MYOF: variants seen among roughly 807,000 people sequenced by gnomAD.
MYOF encodes myoferlin, also known as fer-1-like 3, myoferlin.
Under a neutral mutation model 284.2 loss-of-function variants are expected in MYOF, and 244 were observed. The ratio of observed to expected loss-of-function variants is 0.86; its 90% CI spans 0.77 to 0.95. The LOEUF is 0.95. MYOF is among the 40% of genes least tolerant of loss of function. The pLI, the probability that MYOF is intolerant of heterozygous loss-of-function variation, is 0.00. For synonymous variants in MYOF, 904 were observed against 919.7 expected, an observed-to-expected ratio of 0.98 and a Z score of 0.31; for missense variants, 2,496 against 2,560.6, an observed-to-expected ratio of 0.97 and a Z score of 0.54.
intron 4 of MYOF, among the ~76,000 whole-genome samples, chr10:93,430,294 T>C (rs1848782857): frequency 6.6e-6 from 1 of 151,314 alleles, no homozygotes; most frequent in African/African-American, 2.4e-5. Context: ...GTAATAAAGA[T>C]TATGAGGCCA....
chr10:93,337,830 G>C lies in MYOF; in HGVS notation c.4422C>G (p.Gly1474=), dbSNP rs1424940267. The C allele has an allele frequency of 1.4e-5, 22 of 1,613,840 alleles. No homozygotes were observed. In the South Asian group the frequency reaches 2.4e-4, roughly 18 times the overall value. ...ATCCAGGTACCTTGAGCTTGGAATAGCCTTTCTGAATATACTGTCCGCATT... is the reference window on the plus strand; with the variant it reads ...ATCCAGGTACCTTGAGCTTGGAATACCCTTTCTGAATATACTGTCCGCATT... ...HEKCGQYIQK[G]YSKLKIYNCE... is the part of the protein sequence containing the mutation. Residue 1474 remains glycine (G), a synonymous_variant, in exon 40 of 54, where the codon GGC becomes GGG. Transcript: ENST00000359263.
At chr10:93,447,015 C>A (rs1016501231) in intron 3 of MYOF, among the ~76,000 whole-genome samples, 1 of 152,206 alleles carries the variant, frequency 6.6e-6, no homozygotes, top group Admixed American at 6.5e-5. Flanking sequence ...CCACACCCAG[C>A]CTCGTTTGGT....
At chr10:93,342,262 A>G (rs4919046) in intron 38 of MYOF, among the ~76,000 whole-genome samples, 43,031 of 152,080 alleles carry the variant, frequency 0.28, 7,377 homozygotes, top group East Asian at 0.89. Context: ...TAATACATGC[A>G]CATTACATGT....
rs78151388 is a variant in MYOF at position 93,331,190 on chromosome 10, C to T, written c.4812-1356G>A. Among the ~76,000 whole-genome samples the T allele has an allele frequency of 4.4e-3, 670 of 152,260 alleles. 1 individual carries two copies. Among genetic ancestry groups the T allele is most frequent in the Non-Finnish European group, 6.0e-3 (409 of 68,018 alleles). On this transcript the variant is annotated intron_variant, in intron 43 of 53. Transcript: ENST00000359263. ...CCATGATGGATAGGACTCTGAGTAA[C>T]GGCCACGCACATAGGAAAGGTTGTT... is the stretch of plus-strand genomic sequence containing the variant.
chr10:93,397,537 G>C, intron 13 of MYOF, 81 bp from the exon 14 acceptor site: 1 of 979,002 alleles, frequency 1.0e-6, no homozygotes, highest in East Asian at 2.6e-5. Context: ...ACTAGATTAT[G>C]ACTTTAGCAG....
chr10:93,335,688 C>T (rs1843568182), intron 41 of MYOF, among the ~76,000 whole-genome samples: 1 of 151,026 alleles, frequency 6.6e-6, no homozygotes, highest in Non-Finnish European at 1.5e-5. Flanking sequence ...CTCGAGTGCT[C>T]TGGCCCCCCT....
intron 50 of MYOF, among the ~76,000 whole-genome samples, chr10:93,314,984 G>C (rs148992349): frequency 1.1e-3 from 162 of 152,276 alleles, no homozygotes; most frequent in African/African-American, 3.7e-3. Flanking sequence ...CCAGGAGGTG[G>C]AGGTTGCAGT....
At position 93,351,657 on chromosome 10, in the gene MYOF, C is replaced by T. The variant is rs776759508; in HGVS notation, c.3663+8G>A. On this transcript the variant is annotated splice_region_variant and intron_variant, in intron 33 of 53. Coordinates refer to ENST00000359263, the MANE Select transcript of MYOF (RefSeq NM_013451.4). ...CCCAAGTTATCTTAGAAATTCTAAA[C>T]GACCTACCACTTGGTCATTGTCAAA... 48 of 1,587,890 alleles carry T rather than the reference C, an allele frequency of 3.0e-5. No homozygotes were observed. Among genetic ancestry groups the T allele is most frequent in the Middle Eastern group, 3.4e-4 (2 of 5,936 alleles).
intron 5 of MYOF, 88 bp downstream of exon 5, chr10:93,425,983 C>T: frequency 4.4e-6 from 6 of 1,356,750 alleles, no homozygotes; most frequent in Non-Finnish European, 5.1e-6. Flanking sequence ...GGCTTGTGAT[C>T]AATGGCAGGG....
intron 3 of MYOF, among the ~76,000 whole-genome samples, chr10:93,438,300 G>T (rs1031417004): frequency 3.3e-5 from 5 of 152,104 alleles, no homozygotes; most frequent in Admixed American, 6.6e-5. Flanking sequence ...GGGGTCACTT[G>T]AGCTAACTCA....
chr10:93,434,461 G>C (rs1849023517), intron 3 of MYOF, among the ~76,000 whole-genome samples: 1 of 150,608 alleles, frequency 6.6e-6, no homozygotes. Context: ...AAAAGAATCT[G>C]TAGTTGGCAA....
intron 5 of MYOF, among the ~76,000 whole-genome samples, chr10:93,421,195 C>T (rs936719505): frequency 3.3e-5 from 5 of 151,816 alleles, no homozygotes; most frequent in South Asian, 2.1e-4. Flanking sequence ...CCAGCCTGGG[C>T]GACAGACTGA....
At chr10:93,403,859 A>G (rs1012241761) in intron 9 of MYOF, among the ~76,000 whole-genome samples, 164 bp downstream of exon 9, 3 of 152,120 alleles carry the variant, frequency 2.0e-5, no homozygotes, top group Non-Finnish European at 4.4e-5. Context: ...TCACTGTTAT[A>G]CTTTGGAAAT....
chr10:93,349,003 G>C (rs933179461), intron 36 of MYOF, among the ~76,000 whole-genome samples: 8 of 152,084 alleles, frequency 5.3e-5, no homozygotes, highest in Admixed American at 5.2e-4. Flanking sequence ...GTTAAAGCAC[G>C]TGACCCTAGA....
In MYOF at chr10:93,316,758, A is replaced by G; in HGVS notation, c.5654T>C (p.Ile1885Thr). 1 of 1,614,094 alleles carries G rather than the reference A, an allele frequency of 6.2e-7. No individual in the cohort carries two copies. Residue 1885 changes from isoleucine to threonine, a missense_variant, in exon 50 of 54, where the codon ATT becomes ACT. By Grantham distance (89) the Ile-to-Thr change is moderately conservative (BLOSUM62 -1). Coordinates refer to ENST00000359263, the MANE Select transcript of MYOF (RefSeq NM_013451.4). ...TEFRIPPRLI[I>T]QIWDNDKFSL... ...AAACTTGTCATTGTCCCATATCTGA[A>G]TGATCAGCCTGGGTGGGATTCGAAA... is the stretch of plus-strand genomic sequence containing the variant.
At chr10:93,347,571 A>AG in intron 37 of MYOF, 46 bp downstream of exon 37, 1 of 1,469,972 alleles carries the variant, frequency 6.8e-7, no homozygotes, top group Non-Finnish European at 9.0e-7. Context: ...AAAAAAAAAA[A>AG]AAAAAAAGAA....
chr10:93,392,834 G>C lies in MYOF; in HGVS notation c.1456+83C>G, dbSNP rs185318065. 159 of 1,319,846 alleles carry C rather than the reference G, an allele frequency of 1.2e-4. No individual in the cohort carries two copies. In the African/African-American group the frequency reaches 1.7e-3, roughly 14 times the overall value. The allele number at this position is 1,319,846 out of a possible 1,614,324, so 81.8% of individuals were successfully genotyped here. On this transcript the variant is annotated intron_variant, in intron 17 of 53. Coordinates refer to ENST00000359263, the MANE Select transcript of MYOF (RefSeq NM_013451.4). The stretch of plus-strand genomic sequence containing the variant: ...TGAGACAGCAAAATGTCAAAAAAAA[G>C]TTCTAAAGACAGTCGATACATTCTT...
intron 7 of MYOF, among the ~76,000 whole-genome samples, chr10:93,405,907 C>T (rs1461284708): frequency 6.7e-6 from 1 of 150,268 alleles, no homozygotes; most frequent in African/African-American, 2.4e-5. Context: ...AAGCAATTCT[C>T]CTGCCTCAAC....
At chr10:93,352,390 G>A (rs1203935487) in intron 32 of MYOF, among the ~76,000 whole-genome samples, 1 of 152,138 alleles carries the variant, frequency 6.6e-6, no homozygotes, top group African/African-American at 2.4e-5. Flanking sequence ...AATGTTGATG[G>A]TAATCGATTT....
Sources: allele counts gnomAD v4.1 joint callset (sites outside exome capture counted in the v4.1 genomes callset), GRCh38; gene constraint gnomAD v4.1.1; transcripts MANE v1.5; gene names NCBI Gene and HGNC (gene_info 2026-07-23, HGNC 2026-07-21).